Variants in KCND3 observed in about 807,000 individuals in gnomAD.
The protein encoded by KCND3 is A-type voltage-gated potassium channel KCND3.
In KCND3, 9 loss-of-function variants were observed where a neutral mutation model predicts 51.1. The ratio of observed to expected loss-of-function variants is 0.18; its 90% CI spans 0.11 to 0.31. KCND3 has a LOEUF of 0.31. KCND3 is among the 10% of genes least tolerant of loss of function. The probability of loss-of-function intolerance (pLI) is 1.00; values close to 1 mark genes in which losing one functional copy is unlikely to be tolerated. For synonymous variants in KCND3, 349 were observed against 368.0 expected (o/e 0.95, Z 0.59); for missense variants, 526 against 903.8 (o/e 0.58, Z 5.36).
At chr1:111,916,748 G>A (rs543582350) in intron 2 of KCND3, among the ~76,000 whole-genome samples, 9 of 152,244 alleles carry the variant, frequency 5.9e-5, no homozygotes, top group Admixed American at 2.0e-4. Flanking sequence ...AAGATAATAA[G>A]AGAATATTAT....
At chr1:111,822,804 A>G (rs572803493) in intron 2 of KCND3, among the ~76,000 whole-genome samples, 1 of 152,322 alleles carries the variant, frequency 6.6e-6, no homozygotes, top group African/African-American at 2.4e-5. Flanking sequence ...TCTTTTTATA[A>G]TCAGAAATAG....
intron 2 of KCND3, among the ~76,000 whole-genome samples, chr1:111,884,815 C>T (rs1420855257): frequency 1.3e-5 from 2 of 152,202 alleles, no homozygotes; most frequent in Admixed American, 6.5e-5. Flanking sequence ...CATCTTTTAA[C>T]TTAAAAAAAT....
intron 2 of KCND3, among the ~76,000 whole-genome samples, chr1:111,951,649 TCCCTGCC>T (rs1435010297): frequency 2.6e-5 from 4 of 152,152 alleles, no homozygotes; most frequent in African/African-American, 9.7e-5. Context: ...ATAAAACAGT[TCCCTGCC>T]CTTGTGGAGT....
At chr1:111,823,147 G>A (rs114095187) in intron 2 of KCND3, among the ~76,000 whole-genome samples, 3 of 152,316 alleles carry the variant, frequency 2.0e-5, no homozygotes, top group Admixed American at 6.5e-5. Flanking sequence ...CTGGGAAGAT[G>A]GTGAGATTCT....
intron 2 of KCND3, among the ~76,000 whole-genome samples, chr1:111,888,681 C>CA (rs34732548): frequency 0.17 from 17,115 of 103,338 alleles, 1,322 homozygotes; most frequent in Middle Eastern, 0.24. Context: ...CACTCCATCT[C>CA]AAAAAAAAAA....
intron 2 of KCND3, among the ~76,000 whole-genome samples, chr1:111,877,992 AGTTGG>A (rs1172669393): frequency 6.6e-6 from 1 of 152,118 alleles, no homozygotes; most frequent in Non-Finnish European, 1.5e-5. Context: ...CACCCCATGG[AGTTGG>A]TGTGTTATTA....
At chr1:111,806,124 C>T (rs2101560517) in intron 2 of KCND3, among the ~76,000 whole-genome samples, 1 of 152,354 alleles carries the variant, frequency 6.6e-6, no homozygotes, top group African/African-American at 2.4e-5. Context: ...GCTGGGTCCT[C>T]ACCTGCCTCC....
rs531120731 is a variant in KCND3, at chr1:111,796,944, G to A, written c.1107-9838C>T. Among the ~76,000 whole-genome samples, 23 of 152,260 alleles carry A rather than the reference G, an allele frequency of 1.5e-4. No homozygotes were observed. The South Asian group carries it at 4.6e-3, about 30-fold the overall frequency. Reference sequence around the variant, plus strand: ...CAGCCAGTCACAGCGGCAGGCTCCTGGCCAAGATCACTTTACTACTGTTGG... The same window carrying A: ...CAGCCAGTCACAGCGGCAGGCTCCTAGCCAAGATCACTTTACTACTGTTGG... On this transcript the variant is annotated intron_variant, in intron 2 of 7. Coordinates refer to ENST00000302127, the MANE Select transcript of KCND3 (RefSeq NM_001378969.1).
intron 2 of KCND3, among the ~76,000 whole-genome samples, chr1:111,937,770 G>A (rs2101877234): frequency 1.3e-5 from 2 of 152,268 alleles, no homozygotes; most frequent in South Asian, 4.1e-4. Context: ...GCCTAGAAAT[G>A]GGTCTACCAG....
intron 2 of KCND3, among the ~76,000 whole-genome samples, chr1:111,920,701 G>C (rs4838926): frequency 0.35 from 52,976 of 151,996 alleles, 9,438 homozygotes; most frequent in Non-Finnish European, 0.39. Flanking sequence ...TGCTCTGCGG[G>C]TCCCCACTCA....
At chr1:111,900,334 A>G (rs991370272) in intron 2 of KCND3, among the ~76,000 whole-genome samples, 3 of 152,172 alleles carry the variant, frequency 2.0e-5, no homozygotes, top group Non-Finnish European at 2.9e-5. Flanking sequence ...TCCAGGAGAC[A>G]GCATTTCAGG....
At chr1:111,936,157 G>T (rs1213369569) in intron 2 of KCND3, among the ~76,000 whole-genome samples, 2 of 152,206 alleles carry the variant, frequency 1.3e-5, no homozygotes, top group Non-Finnish European at 2.9e-5. Context: ...TCAGTAAAGA[G>T]ATGGAGAGAC....
intron 2 of KCND3, among the ~76,000 whole-genome samples, chr1:111,893,850 A>G (rs1241608986): frequency 6.6e-6 from 1 of 152,198 alleles, no homozygotes; most frequent in African/African-American, 2.4e-5. Flanking sequence ...TGGGGAGATA[A>G]GAACCAAGAG....
chr1:111,828,410 T>G (rs1666676109), intron 2 of KCND3, among the ~76,000 whole-genome samples: 1 of 151,978 alleles, frequency 6.6e-6, no homozygotes, highest in Non-Finnish European at 1.5e-5. Flanking sequence ...TAAAAAAGAG[T>G]ATGTTTATAC....
chr1:111,788,577 T>C (rs1453309516), intron 2 of KCND3, among the ~76,000 whole-genome samples: 2 of 152,246 alleles, frequency 1.3e-5, no homozygotes, highest in Non-Finnish European at 2.9e-5. Flanking sequence ...GTCTTCCTTC[T>C]CCTTCAGTGT....
chr1:111,785,996 C>T (rs1664589215), intron 3 of KCND3, among the ~76,000 whole-genome samples: 1 of 152,222 alleles, frequency 6.6e-6, no homozygotes, highest in African/African-American at 2.4e-5. Context: ...TCCTCCTGTC[C>T]GTTGTCCTCA....
chr1:111,893,793 C>G (rs1316953256), intron 2 of KCND3, among the ~76,000 whole-genome samples: 57 of 152,130 alleles, frequency 3.7e-4, no homozygotes, highest in Admixed American at 3.6e-3. Flanking sequence ...TTGACCCAGG[C>G]AACTGGGTTA....
intron 2 of KCND3, among the ~76,000 whole-genome samples, chr1:111,788,589 C>T (rs996357526): frequency 6.6e-6 from 1 of 152,204 alleles, no homozygotes; most frequent in Non-Finnish European, 1.5e-5. Context: ...CTTCAGTGTT[C>T]ATGCCCTTTG....
chr1:111,896,420 G>A (rs1670117279), intron 2 of KCND3, among the ~76,000 whole-genome samples: 1 of 152,312 alleles, frequency 6.6e-6, no homozygotes, highest in Non-Finnish European at 1.5e-5. Context: ...AAATCAGGAG[G>A]GAGCAGGTGT....
Sources: allele counts gnomAD v4.1 joint callset (sites outside exome capture counted in the v4.1 genomes callset), GRCh38; gene constraint gnomAD v4.1.1; transcripts MANE v1.5; gene names NCBI Gene and HGNC (gene_info 2026-07-23, HGNC 2026-07-21).